Variants in ATP8A1 observed in about 807,000 individuals in gnomAD.
ATP8A1 encodes the protein ATPase phospholipid transporting 8A1, also known as phospholipid-transporting ATPase IA.
A neutral mutation model predicts 177.7 loss-of-function variants in ATP8A1; 90 were observed. The observed-to-expected ratio is 0.51, with a 90% CI of 0.43 to 0.60. The LOEUF is 0.60. ATP8A1 is among the 20% of genes least tolerant of loss of function. The pLI, the probability that ATP8A1 is intolerant of heterozygous loss-of-function variation, is 0.00. For missense variants in ATP8A1, 1,072 were observed against 1,392.8 expected (o/e 0.77, Z 3.67); for synonymous variants, 493 against 485.9 (o/e 1.01, Z -0.19).
intron 30 of ATP8A1, among the ~76,000 whole-genome samples, chr4:42,450,882 C>T (rs4441792): frequency 0.95 from 143,984 of 152,252 alleles, 68,569 homozygotes; most frequent in Non-Finnish European, 1. Context: ...ATATCAAAAC[C>T]TGATTGACAA....
chr4:42,539,302 G>T (rs1279539673), intron 20 of ATP8A1, among the ~76,000 whole-genome samples: 1 of 151,866 alleles, frequency 6.6e-6, no homozygotes, highest in East Asian at 1.9e-4. Context: ...CTACATATTG[G>T]GTATCGCGTA....
intron 19 of ATP8A1, among the ~76,000 whole-genome samples, chr4:42,547,022 C>T (rs1729005696): frequency 6.6e-6 from 1 of 152,316 alleles, no homozygotes; most frequent in Middle Eastern, 3.4e-3. Flanking sequence ...TCAAATACCA[C>T]TTACCAACCA....
chr4:42,524,782 TA>T lies in ATP8A1; in HGVS notation c.1787del (p.Leu596Ter). On this transcript the variant is annotated frameshift_variant, in exon 21 of 37. Transcript: ENST00000381668. LOFTEE classifies it high-confidence loss of function. Reference sequence around the variant, plus strand: ...ACTTACCTTCTGTAGCAAACTGCTCTAAATGTTTTAGGGTAATTTCTTTGTA... The same window carrying T: ...ACTTACCTTCTGTAGCAAACTGCTCTAATGTTTTAGGGTAATTTCTTTGTA... Reference protein sequence around the residue: ...SKYKEITLKHLEQFATEGLRT... With the variant: ...SKYKEITLKHXEQFATEGLRT... The T allele has an allele frequency of 6.2e-7, 1 of 1,609,288 alleles. No individual in the cohort carries two copies. The highest frequency in any genetic ancestry group is 8.5e-7 in the Non-Finnish European group (1 of 1,177,684).
chr4:42,467,035 T>G (rs944766197), intron 25 of ATP8A1, among the ~76,000 whole-genome samples: 1 of 152,228 alleles, frequency 6.6e-6, no homozygotes, highest in Non-Finnish European at 1.5e-5. Context: ...TCAACAGAAC[T>G]AGGAAACAGT....
intron 19 of ATP8A1, among the ~76,000 whole-genome samples, chr4:42,547,587 A>G (rs1248267592): frequency 1.3e-5 from 2 of 152,248 alleles, no homozygotes; most frequent in East Asian, 3.8e-4. Flanking sequence ...ATGACAGTCT[A>G]CAGATATAAT....
intron 27 of ATP8A1, among the ~76,000 whole-genome samples, chr4:42,456,619 T>C (rs919676045): frequency 6.6e-6 from 1 of 152,186 alleles, no homozygotes; most frequent in African/African-American, 2.4e-5. Flanking sequence ...ACCTACGTTA[T>C]TGTTTTTAAA....
chr4:42,497,123 A>C (rs1723358584), intron 24 of ATP8A1, among the ~76,000 whole-genome samples: 1 of 152,212 alleles, frequency 6.6e-6, no homozygotes, highest in African/African-American at 2.4e-5. Flanking sequence ...CCACTGGAGA[A>C]GGTACGGTTA....
At chr4:42,521,076 G>A (rs140491211) in intron 22 of ATP8A1, among the ~76,000 whole-genome samples, 107 of 152,324 alleles carry the variant, frequency 7.0e-4, no homozygotes, top group African/African-American at 2.5e-3. Flanking sequence ...GAGGCACGAC[G>A]AAGTACACAG....
At chr4:42,449,133 GC>G (rs967276439) in intron 30 of ATP8A1, among the ~76,000 whole-genome samples, 1 of 152,190 alleles carries the variant, frequency 6.6e-6, no homozygotes, top group African/African-American at 2.4e-5. Flanking sequence ...ACCATGCCCA[GC>G]CTACTTTGCA....
chr4:42,420,527 T>C (rs1713779946), intron 35 of ATP8A1, among the ~76,000 whole-genome samples: 1 of 152,224 alleles, frequency 6.6e-6, no homozygotes, highest in Non-Finnish European at 1.5e-5. Context: ...GAGCTACATA[T>C]ATTACGGAAT....
intron 1 of ATP8A1, among the ~76,000 whole-genome samples, chr4:42,635,432 A>G (rs552990668): frequency 3.9e-5 from 6 of 152,226 alleles, no homozygotes; most frequent in African/African-American, 1.4e-4. Flanking sequence ...ATTAGGCATT[A>G]AAGGGACCAT....
chr4:42,624,441 C>G (rs1737820247), intron 4 of ATP8A1, 95 bp downstream of exon 4: 1 of 623,086 alleles, frequency 1.6e-6, no homozygotes, highest in Non-Finnish European at 2.6e-6. Flanking sequence ...TTAAACAGCC[C>G]ACGCCAAGAA....
intron 25 of ATP8A1, among the ~76,000 whole-genome samples, chr4:42,478,912 A>AT (rs536882785): frequency 1.2e-3 from 185 of 152,306 alleles, no homozygotes; most frequent in African/African-American, 4.1e-3. Flanking sequence ...AAGAATGTCC[A>AT]TTTTTTCAAG....
At chr4:42,528,848 G>T (rs1022800701) in intron 20 of ATP8A1, among the ~76,000 whole-genome samples, 1 of 152,174 alleles carries the variant, frequency 6.6e-6, no homozygotes, top group Non-Finnish European at 1.5e-5. Flanking sequence ...TGAGATATTT[G>T]TGTGCCAGAG....
chr4:42,485,361 T>C, intron 25 of ATP8A1, 135 bp downstream of exon 25: 1 of 681,858 alleles, frequency 1.5e-6, no homozygotes, highest in Admixed American at 3.7e-5. Context: ...TTTGTGAACC[T>C]CAAGTCTTGA....
At chr4:42,564,301 A>G (rs1295518218) in intron 15 of ATP8A1, among the ~76,000 whole-genome samples, 3 of 152,132 alleles carry the variant, frequency 2.0e-5, no homozygotes, top group African/African-American at 4.8e-5. Flanking sequence ...GAGGGCCACC[A>G]TCCTCCAGAC....
chr4:42,562,765 A>G (rs1730971157), intron 15 of ATP8A1, among the ~76,000 whole-genome samples: 1 of 152,174 alleles, frequency 6.6e-6, no homozygotes, highest in South Asian at 2.1e-4. Flanking sequence ...ATATTTCACA[A>G]GATCTGATGG....
At chr4:42,450,223 C>T (rs1026974213) in intron 30 of ATP8A1, among the ~76,000 whole-genome samples, 34 of 152,236 alleles carry the variant, frequency 2.2e-4, no homozygotes, top group African/African-American at 7.5e-4. Flanking sequence ...GGATGAACCA[C>T]GGTCACATAA....
At chr4:42,471,562 T>C (rs1422283978) in intron 25 of ATP8A1, among the ~76,000 whole-genome samples, 2 of 152,356 alleles carry the variant, frequency 1.3e-5, no homozygotes, top group Admixed American at 6.5e-5. Context: ...TGATTATGCA[T>C]GTATGTGCAT....
Sources: gnomAD v4.1 joint callset for allele counts (sites outside exome capture counted in the v4.1 genomes callset) on GRCh38, gnomAD v4.1.1 for gene constraint, MANE v1.5 for transcripts, NCBI Gene and HGNC (gene_info 2026-07-23, HGNC 2026-07-21) for gene names.